The following SRBD1 variants were observed in gnomAD, a reference collection of about 807,000 sequenced individuals.
SRBD1 encodes the protein S1 RNA-binding domain-containing protein 1.
SRBD1 carries 88 observed loss-of-function variants against 115.3 expected under a neutral mutation model. That is an observed-to-expected ratio of 0.76 (90% CI 0.64 to 0.91). The LOEUF is 0.91. SRBD1 is among the 40% of genes least tolerant of loss of function. SRBD1 has a pLI of 0.00. For synonymous variants in SRBD1, 509 were observed against 407.7 expected (o/e 1.25, Z -2.99); for missense variants, 1,385 against 1,177.4 (o/e 1.18, Z -2.58).
At chr2:45,414,165 T>C (rs1242162351) in intron 18 of SRBD1, among the ~76,000 whole-genome samples, 1 of 152,152 alleles carries the variant, frequency 6.6e-6, no homozygotes, top group Non-Finnish European at 1.5e-5. Flanking sequence ...ATTTTGAATT[T>C]AGAATCGCAT....
chr2:45,438,001 C>T (rs1202072692), intron 16 of SRBD1, among the ~76,000 whole-genome samples: 1 of 151,900 alleles, frequency 6.6e-6, no homozygotes, highest in African/African-American at 2.4e-5. Flanking sequence ...TAACATTATA[C>T]CATAATGTAA....
chr2:45,572,750 C>T (rs1433097201), intron 9 of SRBD1, among the ~76,000 whole-genome samples: 1 of 152,008 alleles, frequency 6.6e-6, no homozygotes, highest in Non-Finnish European at 1.5e-5. Flanking sequence ...TAGCCTACGA[C>T]TACACTTAGG....
chr2:45,482,645 C>T (rs909538422), intron 15 of SRBD1, among the ~76,000 whole-genome samples: 72 of 141,938 alleles, frequency 5.1e-4, no homozygotes, highest in Admixed American at 9.0e-4. Context: ...CACACACACA[C>T]AAACCCATGA....
intron 19 of SRBD1, among the ~76,000 whole-genome samples, chr2:45,402,950 T>A (rs1247611639): frequency 3.3e-5 from 5 of 152,168 alleles, no homozygotes; most frequent in African/African-American, 1.2e-4. Context: ...AACCCCTAAA[T>A]AGGCTGTTTC....
intron 18 of SRBD1, among the ~76,000 whole-genome samples, chr2:45,414,932 CAGTGTT>C (rs1667764536): frequency 2.7e-5 from 3 of 109,836 alleles, no homozygotes; most frequent in Admixed American, 8.9e-5. Flanking sequence ...TGTACACACA[CAGTGTT>C]ATATAGTATG....
chr2:45,468,221 C>T (rs1669548259), intron 16 of SRBD1, among the ~76,000 whole-genome samples: 1 of 152,090 alleles, frequency 6.6e-6, no homozygotes, highest in Non-Finnish European at 1.5e-5. Flanking sequence ...TCTCGCTTAA[C>T]ATTACATCTT....
chr2:45,516,090 T>C (rs1359646870), intron 14 of SRBD1, among the ~76,000 whole-genome samples: 1 of 152,176 alleles, frequency 6.6e-6, no homozygotes, highest in African/African-American at 2.4e-5. Context: ...ATAGATCTAA[T>C]TAGCACATTT....
At chr2:45,453,155 G>C (rs994988776) in intron 16 of SRBD1, among the ~76,000 whole-genome samples, 1 of 151,336 alleles carries the variant, frequency 6.6e-6, no homozygotes, top group Non-Finnish European at 1.5e-5. Flanking sequence ...CTAGGTCTAG[G>C]CAAAACATCT....
intron 4 of SRBD1, among the ~76,000 whole-genome samples, chr2:45,587,269 TA>T (rs1673578940): frequency 6.8e-6 from 1 of 147,468 alleles, no homozygotes; most frequent in Non-Finnish European, 1.5e-5. Flanking sequence ...AAATTGATGT[TA>T]ATTATAATAT....
At chr2:45,536,555 A>G (rs1225688702) in intron 14 of SRBD1, among the ~76,000 whole-genome samples, 1 of 152,162 alleles carries the variant, frequency 6.6e-6, no homozygotes, top group Non-Finnish European at 1.5e-5. Context: ...AAGTTTTATC[A>G]TGTGTTAATA....
chr2:45,390,655 C>T (rs947525148), intron 20 of SRBD1, among the ~76,000 whole-genome samples: 3 of 152,116 alleles, frequency 2.0e-5, no homozygotes, highest in African/African-American at 7.2e-5. Flanking sequence ...CCACCCATTC[C>T]ATTTCCTTTT....
chr2:45,537,172 G>A (rs549675230), intron 14 of SRBD1, among the ~76,000 whole-genome samples: 191 of 152,264 alleles, frequency 1.3e-3, no homozygotes, highest in African/African-American at 4.4e-3. Context: ...ACATGAATCT[G>A]GATAGTATGG....
At chr2:45,465,343 A>G (rs1669453374) in intron 16 of SRBD1, among the ~76,000 whole-genome samples, 1 of 152,130 alleles carries the variant, frequency 6.6e-6, no homozygotes, top group Non-Finnish European at 1.5e-5. Context: ...TTTTCAATCC[A>G]TAATTAGTTG....
chr2:45,486,912 A>G (rs1469723917), intron 15 of SRBD1, among the ~76,000 whole-genome samples: 1 of 152,090 alleles, frequency 6.6e-6, no homozygotes, highest in Admixed American at 6.6e-5. Flanking sequence ...CAGTATGACT[A>G]CTATTTCTAT....
At chr2:45,590,083 C>T (rs561113885) in intron 4 of SRBD1, among the ~76,000 whole-genome samples, 1 of 152,368 alleles carries the variant, frequency 6.6e-6, no homozygotes, top group South Asian at 2.1e-4. Flanking sequence ...ACATCAAAAG[C>T]CTCTGATGAG....
At chr2:45,547,458 G>T in intron 13 of SRBD1, 64 bp downstream of exon 13, 1 of 1,405,862 alleles carries the variant, frequency 7.1e-7, no homozygotes. Flanking sequence ...CAAATTAGGG[G>T]CTTCAAAGGT....
chr2:45,493,110 G>C (rs1271237868), intron 14 of SRBD1, among the ~76,000 whole-genome samples: 1 of 152,096 alleles, frequency 6.6e-6, no homozygotes, highest in African/African-American at 2.4e-5. Flanking sequence ...GTATTAAAAA[G>C]CCACTATGCC....
chr2:45,456,675 A>G (rs893428087), intron 16 of SRBD1, among the ~76,000 whole-genome samples: 2 of 151,886 alleles, frequency 1.3e-5, no homozygotes, highest in Admixed American at 6.6e-5. Context: ...AGTAAATTTT[A>G]ATTTGTTTTC....
chr2:45,528,440 C>T (rs1238347399), intron 14 of SRBD1, among the ~76,000 whole-genome samples: 1 of 151,750 alleles, frequency 6.6e-6, no homozygotes, highest in Non-Finnish European at 1.5e-5. Flanking sequence ...TCAAAGAGTA[C>T]AAACATTGTG....
Sources: allele counts gnomAD v4.1 joint callset (sites outside exome capture counted in the v4.1 genomes callset), GRCh38; gene constraint gnomAD v4.1.1; transcripts MANE v1.5; gene names NCBI Gene and HGNC (gene_info 2026-07-23, HGNC 2026-07-21).